Variants in HTR5A observed in about 807,000 individuals in gnomAD.
The protein encoded by HTR5A is 5-hydroxytryptamine receptor 5A, also known as 5-HT-5.
In HTR5A, 21 loss-of-function variants were observed where a neutral mutation model predicts 24.3. That is an observed-to-expected ratio of 0.86 (90% CI 0.61 to 1.24). The LOEUF (loss-of-function observed/expected upper bound fraction) is 1.24. Among genes scored for constraint, HTR5A ranks in the 50% most tolerant of loss-of-function variants. The pLI is 0.00. For synonymous variants in HTR5A, 260 were observed against 213.7 expected (o/e 1.22, Z -1.89); for missense variants, 497 against 489.5 (o/e 1.02, Z -0.15).
intron 1 of HTR5A, among the ~76,000 whole-genome samples, chr7:155,078,252 A>G (rs1396607779): frequency 2.6e-5 from 4 of 152,172 alleles, no homozygotes; most frequent in Admixed American, 1.3e-4. Flanking sequence ...GTCTAGCCCC[A>G]TATTGGATAT....
rs3823534 is a variant in HTR5A, at chr7:155,070,478, A to G, written c.-422A>G. On this transcript the variant is annotated 5_prime_UTR_variant, in exon 1 of 2. Transcript: ENST00000287907. ...CCTAGAGAGAAGGGTGGGCAGGGAG[A>G]CAACGCGGTGAGAGCGACTGCTCTG... The G allele has an allele frequency of 0.29, 115,305 of 394,018 alleles. 18,097 individuals carry two copies. Among genetic ancestry groups the G allele is most frequent in the African/African-American group, 0.43 (20,694 of 47,604 alleles). 24.4% of individuals were successfully genotyped at this position (394,018 alleles called of 1,614,324 possible). A position where few individuals can be genotyped will look rare whatever the true frequency, so the allele number is the denominator to read the frequency against.
intron 1 of HTR5A, among the ~76,000 whole-genome samples, chr7:155,073,443 CA>C (rs1795320682): frequency 6.6e-6 from 1 of 151,820 alleles, no homozygotes; most frequent in Non-Finnish European, 1.5e-5. Context: ...TTGTTCAGAC[CA>C]AAATGTCAAT....
rs1795448636 is a variant in HTR5A at position 155,084,160 on chromosome 7, G to A, written c.747G>A (p.Lys249=). ...VSPISEAVEV[K]DSAKQPQMVF... ...CTCCTGCTTGTCTTTTACAGGTGAA[G>A]GACTCTGCCAAACAGCCCCAGATGG... The change falls in exon 2 of 2, where the codon AAG becomes AAA. Residue 249 remains lysine (K), a synonymous_variant. Transcript: ENST00000287907. 6.2e-7 allele frequency: 1 copy of A among 1,600,614 alleles called. No individual in the cohort carries two copies. The highest frequency in any genetic ancestry group is 8.5e-7 in the Non-Finnish European group (1 of 1,173,250).
At position 155,071,377 on chromosome 7, in the gene HTR5A, G is replaced by T. The variant is rs1585118511; in HGVS notation, c.478G>T (p.Val160Phe). 1 of 1,614,076 alleles carries T rather than the reference G, an allele frequency of 6.2e-7. No individual in the cohort carries two copies. Among genetic ancestry groups the T allele is most frequent in the African/African-American group, 1.3e-5 (1 of 75,068 alleles). Residue 160 changes from valine to phenylalanine, a missense_variant, in exon 1 of 2, where the codon GTC becomes TTC. By Grantham distance (50) the Val-to-Phe change is conservative. Transcript: ENST00000287907. ...TLRTRKCVSNVMIALTWALSA... is the reference protein window; with the variant it reads ...TLRTRKCVSNFMIALTWALSA... Reference sequence around the variant, plus strand: ...CCGCACCCGCAAGTGCGTCTCCAACGTCATGATCGCGCTCACCTGGGCACT... The same window carrying T: ...CCGCACCCGCAAGTGCGTCTCCAACTTCATGATCGCGCTCACCTGGGCACT...
chr7:155,079,362 G>C (rs1262745864), intron 1 of HTR5A, among the ~76,000 whole-genome samples: 3 of 152,096 alleles, frequency 2.0e-5, no homozygotes, highest in African/African-American at 7.2e-5. Context: ...TTTTTCCTGA[G>C]AAAACCCTGG....
At position 155,071,422 on chromosome 7, in the gene HTR5A, G is replaced by C. The variant is rs748112475; in HGVS notation, c.523G>C (p.Ala175Pro). Residue 175 changes from alanine to proline, a missense_variant, in exon 1 of 2, where the codon GCC (alanine) becomes CCC (proline). Ala to Pro is a conservative substitution (Grantham distance 27). Coordinates refer to ENST00000287907, the MANE Select transcript of HTR5A (RefSeq NM_024012.4). ...GGCACTCTCCGCTGTCATCTCTCTG[G>C]CCCCGCTGCTTTTTGGCTGGGGAGA... ...TWALSAVISLAPLLFGWGETY... is the reference protein window; with the variant it reads ...TWALSAVISLPPLLFGWGETY... 6.2e-7 allele frequency: 1 copy of C among 1,614,202 alleles called. No homozygotes were observed. Among genetic ancestry groups the C allele is most frequent in the East Asian group, 2.2e-5 (1 of 44,880 alleles).
chr7:155,082,387 C>G (rs1229716719), intron 1 of HTR5A, among the ~76,000 whole-genome samples: 5 of 152,218 alleles, frequency 3.3e-5, no homozygotes, highest in Non-Finnish European at 7.3e-5. Context: ...TGACCAGCAT[C>G]TCCAGTGTGA....
rs757612559 is a variant in HTR5A at position 155,071,331 on chromosome 7, G to T, written c.432G>T (p.Thr144=). 6.2e-7 allele frequency: 1 copy of T among 1,612,804 alleles called. No homozygotes were observed. Among genetic ancestry groups the T allele is most frequent in the Non-Finnish European group, 8.5e-7 (1 of 1,180,028 alleles). Reference sequence around the variant, plus strand: ...CCCTGGACCGCTACTGGTCCATCACGCGCCACATGGAATACACGCTCCGCA... The same window carrying T: ...CCCTGGACCGCTACTGGTCCATCACTCGCCACATGGAATACACGCTCCGCA... The part of the protein sequence containing the change: ...AIALDRYWSI[T]RHMEYTLRTR... Residue 144 remains threonine, a synonymous_variant, in exon 1 of 2, where the codon ACG becomes ACT. Coordinates refer to ENST00000287907, the MANE Select transcript of HTR5A (RefSeq NM_024012.4).
At chr7:155,073,903 A>ACG (rs1563419693) in intron 1 of HTR5A, among the ~76,000 whole-genome samples, 5 of 128,384 alleles carry the variant, frequency 3.9e-5, no homozygotes, top group African/African-American at 1.3e-4. Context: ...ATATATATAT[A>ACG]TATATATATA....
chr7:155,070,916 A>C lies in HTR5A; in HGVS notation c.17A>C (p.Asn6Thr). Residue 6 changes from asparagine (N) to threonine (T), a missense_variant, in exon 1 of 2, where the codon AAC becomes ACC. Coordinates refer to ENST00000287907, the MANE Select transcript of HTR5A (RefSeq NM_024012.4). The part of the protein sequence containing the change: MDLPV[N>T]LTSFSLSTPS... The stretch of plus-strand genomic sequence containing the variant: ...GACCCAGAGATGGATTTACCTGTGA[A>C]CCTAACCTCCTTTTCCCTCTCCACC... 1 of 1,602,568 alleles carries C rather than the reference A, an allele frequency of 6.2e-7. No individual in the cohort carries two copies. The highest frequency in any genetic ancestry group is 8.5e-7 in the Non-Finnish European group (1 of 1,179,118).
intron 1 of HTR5A, among the ~76,000 whole-genome samples, chr7:155,078,459 T>G (rs2150819428): frequency 6.6e-6 from 1 of 152,274 alleles, no homozygotes; most frequent in East Asian, 1.9e-4. Context: ...ACTGCAAGTG[T>G]GTTCCATCAC....
At chr7:155,071,900 C>T (rs1795300014) in intron 1 of HTR5A, among the ~76,000 whole-genome samples, 1 of 152,122 alleles carries the variant, frequency 6.6e-6, no homozygotes, top group Non-Finnish European at 1.5e-5. Context: ...GTTCAGACTG[C>T]GTCATTCTGC....
At position 155,071,680 on chromosome 7, in the gene HTR5A, T is replaced by G. The variant is rs768915947; in HGVS notation, c.741+40T>G. 1.0e-5 allele frequency: 16 copies of G among 1,599,348 alleles called. No individual in the cohort carries two copies. In the African/African-American group the frequency reaches 1.9e-4, roughly 19 times the overall value. On this transcript the variant is annotated intron_variant, in intron 1 of 1. Coordinates refer to ENST00000287907, the MANE Select transcript of HTR5A (RefSeq NM_024012.4). ...AATCCTTAAAAATACTCGACTTGCATCTGTACAGGCTATATCCCCAGGCCA... is the reference window on the plus strand; with the variant it reads ...AATCCTTAAAAATACTCGACTTGCAGCTGTACAGGCTATATCCCCAGGCCA...
chr7:155,071,384 T>C lies in HTR5A; in HGVS notation c.485T>C (p.Ile162Thr), dbSNP rs1334183135. 6.8e-6 allele frequency: 11 copies of C among 1,613,982 alleles called. No homozygotes were observed. Among genetic ancestry groups the C allele is most frequent in the East Asian group, 2.2e-5 (1 of 44,894 alleles). ...RTRKCVSNVM[I>T]ALTWALSAVI... ...CGCAAGTGCGTCTCCAACGTCATGA[T>C]CGCGCTCACCTGGGCACTCTCCGCT... Residue 162 changes from isoleucine to threonine, a missense_variant, in exon 1 of 2, where the codon ATC (isoleucine) becomes ACC (threonine). Ile to Thr is a moderately conservative substitution (Grantham distance 89). Transcript: ENST00000287907.
chr7:155,082,643 C>T (rs936308295), intron 1 of HTR5A, among the ~76,000 whole-genome samples: 7 of 152,148 alleles, frequency 4.6e-5, no homozygotes, highest in African/African-American at 1.7e-4. Flanking sequence ...GTTTTATTGC[C>T]GTCTTGGGAC....
chr7:155,071,282 G>T lies in HTR5A; in HGVS notation c.383G>T (p.Ser128Ile). The T allele has an allele frequency of 6.2e-7, 1 of 1,608,470 alleles. No homozygotes were observed. Reference protein sequence around the residue: ...IACDVLCCTASIWNVTAIALD... With the variant: ...IACDVLCCTAIIWNVTAIALD... ...TGCGACGTGCTTTGCTGCACGGCCA[G>T]CATCTGGAACGTGACGGCCATAGCC... The change falls in exon 1 of 2, where the codon AGC becomes ATC. Residue 128 changes from serine to isoleucine, a missense_variant. Ser to Ile is a moderately radical substitution (Grantham distance 142, BLOSUM62 -2). Coordinates refer to ENST00000287907, the MANE Select transcript of HTR5A (RefSeq NM_024012.4).
At position 155,075,593 on chromosome 7, in the gene HTR5A, A is replaced by G. The variant is rs190500679; in HGVS notation, c.741+3953A>G. ...AGCTTTGATCAGGAAAGCAAGTCCCAAAAGTTTCTTGTGTATCTGTTAGGT... is the reference window on the plus strand; with the variant it reads ...AGCTTTGATCAGGAAAGCAAGTCCCGAAAGTTTCTTGTGTATCTGTTAGGT... On this transcript the variant is annotated intron_variant, in intron 1 of 1. Coordinates refer to ENST00000287907, the MANE Select transcript of HTR5A (RefSeq NM_024012.4). 8.5e-5 allele frequency among the ~76,000 whole-genome samples: 13 copies of G among 152,324 alleles called. No homozygotes were observed. The East Asian group carries it at 2.5e-3, about 29-fold the overall frequency.
intron 1 of HTR5A, chr7:155,077,163 G>C (rs550634497): frequency 6.6e-6 from 1 of 152,162 alleles, no homozygotes. Context: ...TCTCACGTCA[G>C]ATCAGGTATA....
At chr7:155,078,764 C>A (rs200130982) in intron 1 of HTR5A, among the ~76,000 whole-genome samples, 1 of 34,102 alleles carries the variant, frequency 2.9e-5, no homozygotes, top group Admixed American at 3.6e-4. Context: ...TTTTTTTTTA[C>A]CATTTTTTCT....
Sources: allele counts gnomAD v4.1 joint callset (sites outside exome capture counted in the v4.1 genomes callset), GRCh38; gene constraint gnomAD v4.1.1; transcripts MANE v1.5; gene names NCBI Gene and HGNC (gene_info 2026-07-23, HGNC 2026-07-21).